The following WDHD1 variants were observed in gnomAD, a reference collection of about 807,000 sequenced individuals.
WDHD1 encodes WD repeat and HMG-box DNA-binding protein 1.
A neutral mutation model predicts 135.4 loss-of-function variants in WDHD1; 111 were observed. The observed-to-expected ratio is 0.82, with a 90% CI of 0.70 to 0.96. The LOEUF is 0.96. Among genes scored for constraint, WDHD1 ranks in the 40% least tolerant of loss-of-function variants. WDHD1 has a pLI of 0.00. For synonymous variants in WDHD1, 434 were observed against 439.0 expected (o/e 0.99, Z 0.14); for missense variants, 1,351 against 1,336.3 (o/e 1.01, Z -0.17).
At chr14:54,992,077 G>A (rs949364816) in intron 11 of WDHD1, among the ~76,000 whole-genome samples, 2 of 152,040 alleles carry the variant, frequency 1.3e-5, no homozygotes, top group African/African-American at 2.4e-5. Context: ...GGCCAACATG[G>A]TGAAACCCTG....
At chr14:54,969,665 T>G (rs928725829) in intron 16 of WDHD1, among the ~76,000 whole-genome samples, 8 of 151,872 alleles carry the variant, frequency 5.3e-5, no homozygotes, top group Admixed American at 4.6e-4. Flanking sequence ...CTACTGAAAA[T>G]ATTCCAAAAT....
intron 16 of WDHD1, among the ~76,000 whole-genome samples, chr14:54,970,383 C>A (rs2041411715): frequency 6.6e-6 from 1 of 151,930 alleles, no homozygotes; most frequent in Non-Finnish European, 1.5e-5. Flanking sequence ...AGCTGAGAGT[C>A]AAATCAAGTA....
At position 54,941,528 on chromosome 14, in the gene WDHD1, T is replaced by C; in HGVS notation, c.3352A>G (p.Asn1118Asp). 6.2e-7 allele frequency: 1 copy of C among 1,613,322 alleles called. No homozygotes were observed. The highest frequency in any genetic ancestry group is 8.5e-7 in the Non-Finnish European group (1 of 1,179,884). ...KKQKPLDFST[N>D]QKLSAFAFKQ... ...AATGCAAAAGCTGATAGTTTCTGAT[T>C]TGTAGAAAAATCTAAAGGTTTCTGC... Residue 1118 changes from asparagine (N) to aspartate (D), a missense_variant, in exon 26 of 26, where the codon AAT (asparagine) becomes GAT (aspartate). Physicochemically the swap from Asn to Asp is conservative, Grantham distance 23 (BLOSUM62 1). Around this residue, in one of 2 missense-constraint regions of WDHD1, gnomAD observed 1,330 missense variants for 1,296.1 expected, o/e 1.03. Transcript: ENST00000360586.
At chr14:54,963,274 T>A in intron 18 of WDHD1, 102 bp from the exon 19 acceptor site, 1 of 873,522 alleles carries the variant, frequency 1.1e-6, no homozygotes, top group Non-Finnish European at 1.8e-6. Context: ...GTTTTCTAGC[T>A]ACTCTATCTC....
At chr14:55,022,436 T>A (rs952285879) in intron 2 of WDHD1, among the ~76,000 whole-genome samples, 1 of 152,110 alleles carries the variant, frequency 6.6e-6, no homozygotes, top group Non-Finnish European at 1.5e-5. Context: ...TGTGGCATTT[T>A]TCCCCCCACA....
intron 24 of WDHD1, among the ~76,000 whole-genome samples, chr14:54,951,470 G>A (rs1425903207): frequency 3.9e-5 from 6 of 152,056 alleles, no homozygotes; most frequent in Non-Finnish European, 8.8e-5. Context: ...TCTCTGAATA[G>A]ACCAATAACA....
chr14:55,001,110 C>A, intron 8 of WDHD1, 118 bp from the exon 9 acceptor site: 2 of 541,480 alleles, frequency 3.7e-6, no homozygotes, highest in Non-Finnish European at 5.9e-6. Context: ...GGGGAATCAA[C>A]CAAATTCAAA....
Position 54,962,716 on chromosome 14 carries a change from T to A in WDHD1, c.2647+22A>T, listed in dbSNP as rs773344977. On this transcript the variant is annotated intron_variant, in intron 20 of 25. Coordinates refer to ENST00000360586, the MANE Select transcript of WDHD1 (RefSeq NM_007086.4). ...CATCCATGATAGTTCTCATGATTTA[T>A]GGGCTTGAAAATGTATCTCACCAGG... 5 of 1,611,140 alleles carry A rather than the reference T, an allele frequency of 3.1e-6. No homozygotes were observed. The African/African-American group carries it at 5.3e-5, about 17-fold the overall frequency.
At chr14:55,026,307 A>G (rs11846854) in intron 2 of WDHD1, among the ~76,000 whole-genome samples, 5,322 of 152,282 alleles carry the variant, frequency 0.035, 281 homozygotes, top group African/African-American at 0.11. Context: ...AATTGTTTTA[A>G]GCCGTCAAAA....
chr14:54,945,971 C>T (rs879369269), intron 24 of WDHD1, among the ~76,000 whole-genome samples: 4 of 152,268 alleles, frequency 2.6e-5, no homozygotes, highest in Non-Finnish European at 4.4e-5. Flanking sequence ...ATGACCATAA[C>T]CATTTGCCCA....
In WDHD1 at chr14:54,957,042, G is replaced by T. The variant is rs762020548; in HGVS notation, c.2908C>A (p.Pro970Thr). The stretch of plus-strand genomic sequence containing the variant: ...GGTAGCTGAAACAGTACCTGCTTAG[G>T]CTTCGGCTTTGGAATCAGAGGCTTT... ...IIKPLIPKPK[P>T]KQASAASYFQ... The change falls in exon 23 of 26, where the codon CCT becomes ACT. Residue 970 changes from proline (P) to threonine (T), a missense_variant. Physicochemically the swap from Pro to Thr is conservative, Grantham distance 38. Around this residue, in one of 2 missense-constraint regions of WDHD1, gnomAD observed 1,330 missense variants for 1,296.1 expected, o/e 1.03. Transcript: ENST00000360586. 3 of 1,613,704 alleles carry T rather than the reference G, an allele frequency of 1.9e-6. No homozygotes were observed. The Admixed American group carries it at 5.0e-5, about 27-fold the overall frequency.
chr14:54,987,180 T>C lies in WDHD1; in HGVS notation c.1734A>G (p.Gly578=), dbSNP rs1017111578. ...AAACAATGAAAAGCTGTTCTCCATG[T>C]CCTGCCATTGACACCACAGGTCCAG... is the stretch of plus-strand genomic sequence containing the variant. The part of the protein sequence containing the change: ...SLAGPVVSMA[G]HGEQLFIVYH... The change falls in exon 14 of 26, where the codon GGA becomes GGG. Residue 578 remains glycine, a synonymous_variant. Coordinates refer to ENST00000360586, the MANE Select transcript of WDHD1 (RefSeq NM_007086.4). 2 of 1,614,094 alleles carry C rather than the reference T, an allele frequency of 1.2e-6. No individual in the cohort carries two copies. The highest frequency in any genetic ancestry group is 2.7e-5 in the African/African-American group (2 of 74,934).
chr14:54,991,565 T>C (rs2041790754), intron 11 of WDHD1, among the ~76,000 whole-genome samples, 165 bp from the exon 12 acceptor site: 1 of 152,202 alleles, frequency 6.6e-6, no homozygotes, highest in Non-Finnish European at 1.5e-5. Context: ...GCAAAAGCAA[T>C]GGTGGGTAAA....
chr14:54,989,960 G>A (rs1356227255), intron 12 of WDHD1, among the ~76,000 whole-genome samples: 4 of 152,196 alleles, frequency 2.6e-5, no homozygotes, highest in Middle Eastern at 3.4e-3. Context: ...CATCACGCCC[G>A]GCAGAGGCAA....
intron 11 of WDHD1, among the ~76,000 whole-genome samples, chr14:54,991,772 T>A (rs2140203284): frequency 6.6e-6 from 1 of 152,296 alleles, no homozygotes; most frequent in East Asian, 1.9e-4. Flanking sequence ...ACTTATGCAA[T>A]TGTTTGAGTT....
In WDHD1 at chr14:54,991,225, A is replaced by C; in HGVS notation, c.1329T>G (p.Thr443=). 6.3e-7 allele frequency: 1 copy of C among 1,584,348 alleles called. No homozygotes were observed. Among genetic ancestry groups the C allele is most frequent in the Non-Finnish European group, 8.7e-7 (1 of 1,155,430 alleles). ...FQSGSTPLHL[T]HRFMVWNSIG... ...ATCCAAGTCTTACCATGAATCTGTGAGTGAGATGCAACGGTGTAGAACCTG... is the reference window on the plus strand; with the variant it reads ...ATCCAAGTCTTACCATGAATCTGTGCGTGAGATGCAACGGTGTAGAACCTG... Residue 443 remains threonine, a synonymous_variant, in exon 12 of 26, where the codon ACT becomes ACG. Coordinates refer to ENST00000360586, the MANE Select transcript of WDHD1 (RefSeq NM_007086.4).
At chr14:54,966,279 G>A (rs1204089428) in intron 18 of WDHD1, among the ~76,000 whole-genome samples, 196 bp downstream of exon 18, 2 of 151,634 alleles carry the variant, frequency 1.3e-5, no homozygotes, top group Non-Finnish European at 2.9e-5. Context: ...AGGTTGCAGT[G>A]AGCCGAGATC....
intron 20 of WDHD1, 79 bp downstream of exon 20, chr14:54,962,659 T>G: frequency 6.4e-7 from 1 of 1,558,978 alleles, no homozygotes; most frequent in South Asian, 1.1e-5. Flanking sequence ...GAGTATTCAA[T>G]TTCCCTCAGT....
chr14:55,013,662 T>A, intron 2 of WDHD1, 66 bp from the exon 3 acceptor site: 1 of 1,242,570 alleles, frequency 8.0e-7, no homozygotes, highest in Non-Finnish European at 1.2e-6. Context: ...TGCTAGCACT[T>A]TGGGAGTACA....
Sources: allele counts gnomAD v4.1 joint callset (sites outside exome capture counted in the v4.1 genomes callset), GRCh38; gene constraint gnomAD v4.1.1; regional missense constraint gnomAD v4.1.1; transcripts MANE v1.5; gene names NCBI Gene and HGNC (gene_info 2026-07-23, HGNC 2026-07-21).